BANP: variants seen among roughly 807,000 people sequenced by gnomAD.
BANP encodes the protein BTG3 associated nuclear protein.
In BANP, 11 loss-of-function variants were observed where a neutral mutation model predicts 68.1. The ratio of observed to expected loss-of-function variants is 0.16; its 90% confidence interval spans 0.10 to 0.27. The LOEUF is 0.27. BANP is among the 10% of genes least tolerant of loss of function. The probability of loss-of-function intolerance (pLI) is 1.00; values close to 1 mark genes in which losing one functional copy is unlikely to be tolerated. For missense variants in BANP, 504 were observed against 722.7 expected (o/e 0.70, Z 3.47); for synonymous variants, 329 against 303.2 (o/e 1.09, Z -0.88).
At chr16:88,008,118 TG>T (rs2152569247) in intron 6 of BANP, among the ~76,000 whole-genome samples, 1 of 152,338 alleles carries the variant, frequency 6.6e-6, no homozygotes, top group East Asian at 1.9e-4. Flanking sequence ...AATGGAATCC[TG>T]TGGCATCACC....
At chr16:88,058,752 C>G (rs1006543118) in intron 11 of BANP, among the ~76,000 whole-genome samples, 28 of 152,162 alleles carry the variant, frequency 1.8e-4, no homozygotes, top group Non-Finnish European at 3.7e-4. Context: ...CCCATGGCTG[C>G]TCTTGGCTGC....
chr16:88,058,898 G>A (rs974213212), intron 11 of BANP, among the ~76,000 whole-genome samples: 4 of 152,096 alleles, frequency 2.6e-5, no homozygotes, highest in African/African-American at 9.7e-5. Flanking sequence ...TGAGATCAAC[G>A]AAAAGCCCAT....
At chr16:88,065,943 T>C (rs1288486334) in intron 12 of BANP, among the ~76,000 whole-genome samples, 2 of 151,870 alleles carry the variant, frequency 1.3e-5, no homozygotes, top group African/African-American at 4.8e-5. Context: ...CTGTCCCTCC[T>C]GGGCCCACTG....
At chr16:88,063,797 T>C (rs564258302) in intron 11 of BANP, among the ~76,000 whole-genome samples, 2 of 152,322 alleles carry the variant, frequency 1.3e-5, no homozygotes, top group African/African-American at 4.8e-5. Flanking sequence ...CTCATTACAC[T>C]GGAAGAATTA....
chr16:87,985,286 G>A (rs865777295), intron 4 of BANP, among the ~76,000 whole-genome samples: 12 of 152,332 alleles, frequency 7.9e-5, no homozygotes, highest in African/African-American at 2.9e-4. Context: ...CGTCTTCCGA[G>A]CTCCGCTGCT....
At chr16:88,009,298 C>T (rs2072294457) in intron 6 of BANP, among the ~76,000 whole-genome samples, 2 of 151,864 alleles carry the variant, frequency 1.3e-5, no homozygotes, top group Admixed American at 6.6e-5. Flanking sequence ...GTGTGCTTGT[C>T]TTTCTATTTA....
chr16:88,075,846 A>G (rs1169417678), intron 13 of BANP, among the ~76,000 whole-genome samples: 2 of 147,950 alleles, frequency 1.4e-5, no homozygotes, highest in Non-Finnish European at 1.5e-5. Flanking sequence ...TCTTGGGTTC[A>G]AGTGATTCTC....
chr16:87,986,837 G>T (rs1384359049), intron 4 of BANP, among the ~76,000 whole-genome samples: 1 of 152,146 alleles, frequency 6.6e-6, no homozygotes, highest in Non-Finnish European at 1.5e-5. Context: ...AGTTAACCCA[G>T]ATGTGTGAGA....
At chr16:87,951,089 T>C (rs934750235), upstream of BANP, among the ~76,000 whole-genome samples, 1 of 152,150 alleles carries the variant, frequency 6.6e-6, no homozygotes, top group African/African-American at 2.4e-5. Context: ...AATGCATGGC[T>C]CCCAGCTTGC....
At chr16:87,981,846 C>T (rs1327568829) in intron 3 of BANP, among the ~76,000 whole-genome samples, 1 of 152,184 alleles carries the variant, frequency 6.6e-6, no homozygotes, top group Non-Finnish European at 1.5e-5. Flanking sequence ...GGGAACTGCT[C>T]ATTCAGTGAA....
chr16:88,030,987 G>A (rs138688063), intron 8 of BANP, among the ~76,000 whole-genome samples: 1 of 152,360 alleles, frequency 6.6e-6, no homozygotes, highest in African/African-American at 2.4e-5. Context: ...TGGTTTTGTA[G>A]GTGCTAAGAG....
intron 10 of BANP, 82 bp downstream of exon 10, chr16:88,035,476 G>C (rs1381839497): frequency 1.5e-6 from 2 of 1,330,600 alleles, no homozygotes; most frequent in African/African-American, 2.9e-5. Flanking sequence ...CACAGTGCGA[G>C]GGCAGCAGGG....
rs1339354272 is a variant in BANP, at chr16:88,077,221, G to C, written c.*560G>C. 1.3e-5 allele frequency: 2 copies of C among 152,560 alleles called. No homozygotes were observed. The highest frequency in any genetic ancestry group is 2.9e-5 in the Non-Finnish European group (2 of 68,272). 9.5% of individuals were successfully genotyped at this position (152,560 alleles called of 1,614,324 possible). ...CAGGTGTTTGCAAAGCCAGCTCTCG[G>C]TTCCGATGGGGTATTGCTGACCTAC... is the stretch of plus-strand genomic sequence containing the variant. On this transcript the variant is annotated 3_prime_UTR_variant, in exon 14 of 14. Transcript: ENST00000682872.
intron 1 of BANP, chr16:87,956,707 A>G (rs2058113237): frequency 6.6e-6 from 1 of 152,152 alleles, no homozygotes; most frequent in East Asian, 1.9e-4. Flanking sequence ...GTAGTCGTAG[A>G]CAAGCTCAGG....
chr16:87,964,636 C>T (rs143615027), intron 1 of BANP, among the ~76,000 whole-genome samples: 1 of 152,144 alleles, frequency 6.6e-6, no homozygotes, highest in African/African-American at 2.4e-5. Flanking sequence ...CATAGCCTGG[C>T]ACGTGTTTTT....
At chr16:88,061,931 C>G (rs1157849995) in intron 11 of BANP, among the ~76,000 whole-genome samples, 2 of 152,060 alleles carry the variant, frequency 1.3e-5, no homozygotes, top group Non-Finnish European at 2.9e-5. Flanking sequence ...AGTGCTAGGA[C>G]TGCAGGCATG....
intron 12 of BANP, among the ~76,000 whole-genome samples, chr16:88,067,761 C>A (rs2089127446): frequency 6.6e-6 from 1 of 152,160 alleles, no homozygotes; most frequent in Non-Finnish European, 1.5e-5. Context: ...CTTTCACTGA[C>A]CTCGCCCTGC....
intron 11 of BANP, among the ~76,000 whole-genome samples, chr16:88,041,869 C>A (rs1389617356): frequency 2.6e-5 from 4 of 152,232 alleles, no homozygotes; most frequent in African/African-American, 9.6e-5. Context: ...GAGTCCATTT[C>A]AGGCCCTGTT....
intron 11 of BANP, among the ~76,000 whole-genome samples, chr16:88,048,944 C>G (rs1365306621): frequency 2.6e-5 from 4 of 152,156 alleles, no homozygotes; most frequent in Non-Finnish European, 5.9e-5. Context: ...TTTGAGACTG[C>G]ACGGTGCACT....
Sources: gnomAD v4.1 joint callset for allele counts (sites outside exome capture counted in the v4.1 genomes callset) on GRCh38, gnomAD v4.1.1 for gene constraint, MANE v1.5 for transcripts, NCBI Gene and HGNC (gene_info 2026-07-23, HGNC 2026-07-21) for gene names.